MTUS2: variants seen among roughly 807,000 people sequenced by gnomAD.
The protein encoded by MTUS2 is microtubule-associated tumor suppressor candidate 2.
MTUS2 carries 40 observed loss-of-function variants against 114.1 expected under a neutral mutation model. That is an observed-to-expected ratio of 0.35 (90% CI 0.27 to 0.46). The LOEUF (loss-of-function observed/expected upper bound fraction) is 0.46. Ranked by LOEUF, MTUS2 falls within the 20% of genes least tolerant of loss-of-function variation. The pLI is 1.00. For synonymous variants in MTUS2, 688 were observed against 672.0 expected (o/e 1.02, Z -0.37); for missense variants, 1,679 against 1,705.4 (o/e 0.98, Z 0.27).
chr13:29,136,394 G>C (rs1307401502), intron 5 of MTUS2, among the ~76,000 whole-genome samples: 1 of 152,190 alleles, frequency 6.6e-6, no homozygotes. Flanking sequence ...ATGTTAATGA[G>C]ATGACAAGTG....
intron 2 of MTUS2, among the ~76,000 whole-genome samples, chr13:28,984,808 C>T (rs149233950): frequency 4.2e-4 from 64 of 152,258 alleles, no homozygotes; most frequent in African/African-American, 1.2e-3. Context: ...GTATCAGATA[C>T]GTTATTTCTG....
intron 5 of MTUS2, among the ~76,000 whole-genome samples, chr13:29,182,678 TAATA>T (rs1309088714): frequency 6.6e-6 from 1 of 152,146 alleles, no homozygotes; most frequent in East Asian, 1.9e-4. Context: ...GTAATAAATA[TAATA>T]AATAAGTACA....
At chr13:28,898,948 T>A (rs961217860) in intron 2 of MTUS2, among the ~76,000 whole-genome samples, 4 of 152,192 alleles carry the variant, frequency 2.6e-5, no homozygotes, top group Non-Finnish European at 4.4e-5. Flanking sequence ...TCGATGAAGA[T>A]GCGTACCTTT....
chr13:28,915,059 T>C (rs1176080486), intron 2 of MTUS2, among the ~76,000 whole-genome samples: 1 of 152,014 alleles, frequency 6.6e-6, no homozygotes, highest in African/African-American at 2.4e-5. Flanking sequence ...CCATTCTTTG[T>C]CCTTTAAATG....
intron 7 of MTUS2, among the ~76,000 whole-genome samples, chr13:29,327,296 C>T (rs1049462803): frequency 1.3e-5 from 2 of 152,018 alleles, no homozygotes; most frequent in Non-Finnish European, 2.9e-5. Context: ...TAAGTTTTGC[C>T]ATGTGTACGC....
intron 4 of MTUS2, among the ~76,000 whole-genome samples, chr13:29,058,911 G>C (rs916998882): frequency 1.2e-4 from 18 of 152,160 alleles, no homozygotes; most frequent in Middle Eastern, 6.8e-3. Context: ...AGCTTTATCA[G>C]TTCACTTTGG....
intron 8 of MTUS2, among the ~76,000 whole-genome samples, chr13:29,423,491 G>T (rs1593427764): frequency 6.6e-6 from 1 of 152,148 alleles, no homozygotes; most frequent in East Asian, 1.9e-4. Context: ...TGTGCTAAAA[G>T]GACAGAGGGA....
intron 5 of MTUS2, among the ~76,000 whole-genome samples, chr13:29,193,019 A>G (rs544477858): frequency 5.3e-5 from 8 of 152,332 alleles, no homozygotes; most frequent in Middle Eastern, 3.4e-3. Context: ...TTCATCCATG[A>G]TTAACTCTGG....
At chr13:29,149,896 A>G (rs1176822795) in intron 5 of MTUS2, among the ~76,000 whole-genome samples, 1 of 152,188 alleles carries the variant, frequency 6.6e-6, no homozygotes, top group Non-Finnish European at 1.5e-5. Flanking sequence ...TAGCAGTACC[A>G]TGCTGTTTTG....
chr13:28,884,266 C>A (rs773192896), intron 2 of MTUS2, among the ~76,000 whole-genome samples: 6 of 152,070 alleles, frequency 3.9e-5, no homozygotes, highest in African/African-American at 1.2e-4. Context: ...TATGAACGAA[C>A]CTTGAGGACA....
intron 12 of MTUS2, 31 bp downstream of exon 12, chr13:29,492,750 A>T: frequency 6.5e-7 from 1 of 1,527,356 alleles, no homozygotes; most frequent in Non-Finnish European, 9.1e-7. Flanking sequence ...CTTACCTGGT[A>T]TCGAGATAAT....
At chr13:28,954,569 G>A (rs1566249276) in intron 2 of MTUS2, among the ~76,000 whole-genome samples, 1 of 152,098 alleles carries the variant, frequency 6.6e-6, no homozygotes. Context: ...GAGTGGGTGT[G>A]GGCAGTGCTA....
chr13:29,200,073 C>A (rs1350525146), intron 5 of MTUS2, among the ~76,000 whole-genome samples: 1 of 151,924 alleles, frequency 6.6e-6, no homozygotes, highest in Non-Finnish European at 1.5e-5. Context: ...TTTAATTCTT[C>A]TCTCTTTTCT....
chr13:29,310,833 C>T (rs1300823931), intron 6 of MTUS2, among the ~76,000 whole-genome samples: 1 of 152,120 alleles, frequency 6.6e-6, no homozygotes, highest in Non-Finnish European at 1.5e-5. Context: ...TTAGTGTTGT[C>T]TAGTAAACTT....
chr13:28,842,043 A>T (rs994060461), intron 2 of MTUS2, among the ~76,000 whole-genome samples: 1 of 152,062 alleles, frequency 6.6e-6, no homozygotes, highest in African/African-American at 2.4e-5. Context: ...CTCTATGTGT[A>T]TGGTGGAGGA....
chr13:29,497,369 A>G (rs1882620644), intron 13 of MTUS2, 33 bp downstream of exon 13: 1 of 1,580,526 alleles, frequency 6.3e-7, no homozygotes, highest in African/African-American at 1.3e-5. Context: ...CCAGCCCCGC[A>G]GGAACCCCGC....
intron 2 of MTUS2, among the ~76,000 whole-genome samples, chr13:28,971,052 C>G (rs1232366234): frequency 1.3e-5 from 2 of 152,128 alleles, no homozygotes; most frequent in African/African-American, 2.4e-5. Flanking sequence ...ATGTTGCTCA[C>G]AAATCAGTAT....
At chr13:29,080,808 C>T (rs1286171845) in intron 4 of MTUS2, among the ~76,000 whole-genome samples, 2 of 152,174 alleles carry the variant, frequency 1.3e-5, no homozygotes, top group African/African-American at 4.8e-5. Flanking sequence ...TCACTGCAAC[C>T]TCTGCCTCCT....
At chr13:29,465,079 T>C (rs1386902840) in intron 9 of MTUS2, among the ~76,000 whole-genome samples, 2 of 152,166 alleles carry the variant, frequency 1.3e-5, no homozygotes, top group Non-Finnish European at 2.9e-5. Context: ...CACAGAACTT[T>C]TGTGACGTTC....
Sources: gnomAD v4.1 joint callset for allele counts (sites outside exome capture counted in the v4.1 genomes callset) on GRCh38, gnomAD v4.1.1 for gene constraint, MANE v1.5 for transcripts, NCBI Gene and HGNC (gene_info 2026-07-23, HGNC 2026-07-21) for gene names.